The following METTL25 variants were observed in gnomAD, a reference collection of about 807,000 sequenced individuals.
The protein encoded by METTL25 is probable methyltransferase-like protein 25.
METTL25 carries 64 observed loss-of-function variants against 71.6 expected under a neutral mutation model. The ratio of observed to expected loss-of-function variants is 0.89; its 90% CI spans 0.73 to 1.10. The LOEUF (loss-of-function observed/expected upper bound fraction) is 1.10. METTL25 is among the 50% of genes least tolerant of loss of function. The pLI, the probability that METTL25 is intolerant of heterozygous loss-of-function variation, is 0.00. For missense variants in METTL25, 807 were observed against 707.0 expected (o/e 1.14, Z -1.60); for synonymous variants, 287 against 250.3 (o/e 1.15, Z -1.38).
chr12:82,414,294 A>G (rs908346095), intron 5 of METTL25, among the ~76,000 whole-genome samples: 12 of 152,328 alleles, frequency 7.9e-5, no homozygotes, highest in Middle Eastern at 3.4e-3. Flanking sequence ...TGTACTTGGC[A>G]TTCTGTGCAC....
At chr12:82,444,875 T>G (rs1207855065) in intron 8 of METTL25, among the ~76,000 whole-genome samples, 3 of 151,998 alleles carry the variant, frequency 2.0e-5, no homozygotes, top group Non-Finnish European at 4.4e-5. Flanking sequence ...AGTACAGAGA[T>G]GGAAGAAAGA....
In METTL25 at chr12:82,391,429, A is replaced by G. The variant is rs531578128; in HGVS notation, c.531+1507A>G. On this transcript the variant is annotated intron_variant, in intron 3 of 11. Transcript: ENST00000248306. ...AAGATTTATTTACACTTTAAATATA[A>G]TTCAGTCTTAATCACTTTCTAGCCA... Among the ~76,000 whole-genome samples, 5 of 152,166 alleles carry G rather than the reference A, an allele frequency of 3.3e-5. No individual in the cohort carries two copies. In the South Asian group the frequency reaches 6.2e-4, roughly 19 times the overall value.
At chr12:82,418,788 G>A (rs4882389) in intron 5 of METTL25, among the ~76,000 whole-genome samples, 140,551 of 152,174 alleles carry the variant, frequency 0.92, 65,240 homozygotes, top group East Asian at 1. Context: ...GGACTATTGT[G>A]AAAAAGAAAA....
intron 1 of METTL25, among the ~76,000 whole-genome samples, chr12:82,379,814 T>C (rs976729703): frequency 1.3e-5 from 2 of 152,170 alleles, no homozygotes; most frequent in African/African-American, 4.8e-5. Context: ...TGGACCTCCA[T>C]GTTGGTTCTC....
Position 82,386,900 on chromosome 12 carries a change from C to T in METTL25, c.357C>T (p.Asn119=). 1 of 1,613,416 alleles carries T rather than the reference C, an allele frequency of 6.2e-7. No individual in the cohort carries two copies. Among genetic ancestry groups the T allele is most frequent in the Non-Finnish European group, 8.5e-7 (1 of 1,179,592 alleles). The change falls in exon 2 of 12, where the codon AAC becomes AAT. Residue 119 remains asparagine, a synonymous_variant. Transcript: ENST00000248306. ...ALAAKYYSVQ[N]LGICTPFEQL... is the part of the protein sequence containing the mutation. ...CTGCGAAATACTATTCTGTACAAAACTTGGGAATATGTACTCCTTTTGAAC... is the reference window on the plus strand; with the variant it reads ...CTGCGAAATACTATTCTGTACAAAATTTGGGAATATGTACTCCTTTTGAAC...
chr12:82,410,335 A>G lies in METTL25; in HGVS notation c.1279+7205A>G, dbSNP rs148212961. Reference sequence around the variant, plus strand: ...ATGAATTAATCCTATCATTGAAACAATGCAAACAATTGCTGTCTTTTCAGT... The same window carrying G: ...ATGAATTAATCCTATCATTGAAACAGTGCAAACAATTGCTGTCTTTTCAGT... On this transcript the variant is annotated intron_variant, in intron 5 of 11. Coordinates refer to ENST00000248306, the MANE Select transcript of METTL25 (RefSeq NM_032230.3). Among the ~76,000 whole-genome samples the G allele has an allele frequency of 9.2e-5, 14 of 152,302 alleles. No individual in the cohort carries two copies. The East Asian group carries it at 2.7e-3, about 29-fold the overall frequency.
At chr12:82,413,386 T>C (rs1488176582) in intron 5 of METTL25, among the ~76,000 whole-genome samples, 1 of 152,056 alleles carries the variant, frequency 6.6e-6, no homozygotes, top group African/African-American at 2.4e-5. Context: ...TAATATATAA[T>C]ATAATAAATA....
intron 9 of METTL25, among the ~76,000 whole-genome samples, chr12:82,459,502 C>T (rs1186975244): frequency 6.6e-6 from 1 of 152,056 alleles, no homozygotes; most frequent in Non-Finnish European, 1.5e-5. Flanking sequence ...TGATATGCAC[C>T]TCTAGTCCCA....
Position 82,361,664 on chromosome 12 carries a change from C to T in METTL25, c.259+2840C>T, listed in dbSNP as rs565022742. Among the ~76,000 whole-genome samples the T allele has an allele frequency of 3.9e-5, 6 of 152,330 alleles. No individual in the cohort carries two copies. In the East Asian group the frequency reaches 7.7e-4, roughly 20 times the overall value. ...TCCTCCGCAGCTGCTGTCCTGGGTG[C>T]TAAGCTCCTCACTGCCTGGGGCCAG... On this transcript the variant is annotated intron_variant, in intron 1 of 11. Transcript: ENST00000248306.
intron 9 of METTL25, 75 bp from the exon 10 acceptor site, chr12:82,476,569 T>C (rs973527195): frequency 1.1e-6 from 1 of 937,154 alleles, no homozygotes; most frequent in Non-Finnish European, 1.7e-6. Context: ...ATGTTTATTT[T>C]ACTTTAGGAT....
At chr12:82,387,726 C>CACAT (rs1025325354) in intron 2 of METTL25, among the ~76,000 whole-genome samples, 2 of 151,658 alleles carry the variant, frequency 1.3e-5, no homozygotes, top group African/African-American at 4.8e-5. Context: ...CACACACACA[C>CACAT]ACACACTCTT....
intron 9 of METTL25, among the ~76,000 whole-genome samples, chr12:82,470,915 T>G (rs1892534026): frequency 6.6e-6 from 1 of 152,200 alleles, no homozygotes; most frequent in Non-Finnish European, 1.5e-5. Context: ...AGCTGGGCAT[T>G]AATTTCTATT....
chr12:82,370,551 A>G (rs1310320539), intron 1 of METTL25, among the ~76,000 whole-genome samples: 1 of 152,222 alleles, frequency 6.6e-6, no homozygotes, highest in Admixed American at 6.5e-5. Flanking sequence ...CTCAGCAGTG[A>G]GGAGGTCTAG....
intron 1 of METTL25, among the ~76,000 whole-genome samples, chr12:82,370,424 GTGT>G (rs1317861755): frequency 6.6e-6 from 1 of 152,172 alleles, no homozygotes; most frequent in Non-Finnish European, 1.5e-5. Flanking sequence ...AGTTTGAAAG[GTGT>G]TGTTTGATTT....
At chr12:82,375,860 C>T (rs1285582689) in intron 1 of METTL25, among the ~76,000 whole-genome samples, 2 of 152,054 alleles carry the variant, frequency 1.3e-5, no homozygotes, top group African/African-American at 4.8e-5. Context: ...CCCTTATATC[C>T]CAATTTAGGT....
intron 9 of METTL25, among the ~76,000 whole-genome samples, chr12:82,458,232 C>T (rs1250705567): frequency 1.3e-5 from 2 of 152,224 alleles, no homozygotes; most frequent in East Asian, 3.9e-4. Context: ...ATGGACATCA[C>T]AAACATTACC....
At chr12:82,470,931 T>G (rs949265161) in intron 9 of METTL25, among the ~76,000 whole-genome samples, 2 of 152,182 alleles carry the variant, frequency 1.3e-5, no homozygotes, top group African/African-American at 4.8e-5. Flanking sequence ...CTATTTCAAT[T>G]TGAGTAAACC....
At chr12:82,361,519 G>C (rs1435746476) in intron 1 of METTL25, among the ~76,000 whole-genome samples, 1 of 152,172 alleles carries the variant, frequency 6.6e-6, no homozygotes, top group Non-Finnish European at 1.5e-5. Flanking sequence ...GTGGGGGGGA[G>C]GGGGACTCAG....
At chr12:82,382,389 G>A (rs1884523489) in intron 1 of METTL25, among the ~76,000 whole-genome samples, 1 of 152,130 alleles carries the variant, frequency 6.6e-6, no homozygotes, top group African/African-American at 2.4e-5. Context: ...CATTCTAAAT[G>A]TTTTAAATCA....
Sources: allele counts gnomAD v4.1 joint callset (sites outside exome capture counted in the v4.1 genomes callset), GRCh38; gene constraint gnomAD v4.1.1; transcripts MANE v1.5; gene names NCBI Gene and HGNC (gene_info 2026-07-23, HGNC 2026-07-21).